The following SHD variants were observed in gnomAD, a reference collection of about 807,000 sequenced individuals.
SHD encodes SH2 domain-containing adapter protein D.
In SHD, 29 loss-of-function variants were observed where a neutral mutation model predicts 31.2. The ratio of observed to expected loss-of-function variants is 0.93; its 90% CI spans 0.69 to 1.27. The LOEUF (loss-of-function observed/expected upper bound fraction) is 1.27, where lower values mean the gene tolerates loss of function less well. SHD is among the 50% of genes most tolerant of loss of function. SHD has a pLI of 0.00. For synonymous variants in SHD, 208 were observed against 187.8 expected, an observed-to-expected ratio of 1.11 and a Z score of -0.88; for missense variants, 520 against 453.8, an observed-to-expected ratio of 1.15 and a Z score of -1.33.
At chr19:4,289,255 C>T (rs1021606933) in intron 5 of SHD, among the ~76,000 whole-genome samples, 9 of 150,594 alleles carry the variant, frequency 6.0e-5, no homozygotes, top group East Asian at 4.0e-4. Context: ...GGACTACAGG[C>T]GCCCACCACC....
chr19:4,283,151 G>C lies in SHD; in HGVS notation c.501G>C (p.Gln167His). Residue 167 changes from glutamine to histidine, a missense_variant, in exon 3 of 6, where the codon CAG becomes CAC. By Grantham distance (24) the Gln-to-His change is conservative. Coordinates refer to ENST00000543264, the MANE Select transcript of SHD (RefSeq NM_020209.4). ...DGPPSGQKPRQSRMPQEDERP... is the reference protein window; with the variant it reads ...DGPPSGQKPRHSRMPQEDERP... ...CCCCTTCTGGGCAGAAGCCTCGGCAGAGCCGGATGCCCCAGGAAGATGAAC... is the reference window on the plus strand; with the variant it reads ...CCCCTTCTGGGCAGAAGCCTCGGCACAGCCGGATGCCCCAGGAAGATGAAC... 1 of 1,614,174 alleles carries C rather than the reference G, an allele frequency of 6.2e-7. No individual in the cohort carries two copies.
chr19:4,285,889 C>CTTTTTTTTTTTTTTTTTTTTTTTTT (rs56142317), intron 4 of SHD, among the ~76,000 whole-genome samples: 1 of 87,370 alleles, frequency 1.1e-5, no homozygotes, highest in African/African-American at 5.1e-5. Context: ...CTTTTCCTTT[C>CTTTTTTTTTTTTTTTTTTTTTTTTT]TTTTTTTTTT....
rs1218640118 is a variant in SHD at position 4,279,493 on chromosome 19, A to G, written c.-571A>G. The G allele has an allele frequency of 6.6e-6, 1 of 152,238 alleles. No individual in the cohort carries two copies. Among genetic ancestry groups the G allele is most frequent in the Admixed American group, 6.5e-5 (1 of 15,278 alleles). 9.4% of individuals were successfully genotyped at this position (152,238 alleles called of 1,614,324 possible). On this transcript the variant is annotated 5_prime_UTR_variant, in exon 1 of 6. Transcript: ENST00000543264. The surrounding 1 kb of genome is among the most constrained non-coding windows in gnomAD (Gnocchi z 7.5). The stretch of plus-strand genomic sequence containing the variant: ...CCCGCTGAGCCGAGAGGAGCGCGAC[A>G]AAGGATGCGTCCCGCCGGGGTCACA...
At chr19:4,289,817 T>C (rs986082691) in intron 5 of SHD, among the ~76,000 whole-genome samples, 18 of 151,502 alleles carry the variant, frequency 1.2e-4, no homozygotes, top group African/African-American at 3.6e-4. Context: ...GTGATCCGCC[T>C]GCCTTGGCCT....
chr19:4,282,356 G>A (rs1379402372), intron 1 of SHD, among the ~76,000 whole-genome samples: 1 of 151,244 alleles, frequency 6.6e-6, no homozygotes, highest in South Asian at 2.1e-4. Context: ...GGAGTCGGAG[G>A]TTGCAGTGAG....
In SHD at chr19:4,279,900, C is replaced by G; in HGVS notation, c.-164C>G. ...TCCCCCTCGTTCACCTTTTCCTTCC[C>G]TCTATCCATCCAGAGCCCCGCCAAA... On this transcript the variant is annotated 5_prime_UTR_variant, in exon 1 of 6. Transcript: ENST00000543264. The surrounding 1 kb of genome is among the most constrained non-coding windows in gnomAD (Gnocchi z 7.5). 1 of 812,904 alleles carries G rather than the reference C, an allele frequency of 1.2e-6. No homozygotes were observed. The highest frequency in any genetic ancestry group is 2.7e-5 in the East Asian group (1 of 36,694). 50.4% of individuals were successfully genotyped at this position (812,904 alleles called of 1,614,324 possible). A position where few individuals can be genotyped will look rare whatever the true frequency, so the allele number is the denominator to read the frequency against.
intron 4 of SHD, among the ~76,000 whole-genome samples, chr19:4,287,657 C>G (rs115801906): frequency 6.6e-6 from 1 of 150,840 alleles, no homozygotes; most frequent in Non-Finnish European, 1.5e-5. Context: ...TGGTGCTATG[C>G]GCCTGTAGTT....
rs769011992 is a variant in SHD, at chr19:4,283,093, A to T, written c.443A>T (p.Tyr148Phe). 7 of 1,614,058 alleles carry T rather than the reference A, an allele frequency of 4.3e-6. No individual in the cohort carries two copies. The highest frequency in any genetic ancestry group is 5.9e-6 in the Non-Finnish European group (7 of 1,179,986). The change falls in exon 3 of 6, where the codon TAT becomes TTT. Residue 148 changes from tyrosine (Y) to phenylalanine (F), a missense_variant. Transcript: ENST00000543264. ...GGGGTGCAGCTCTATGACACCCCTTATGAGGAACAGGACCCAGAGACAGCA... is the reference window on the plus strand; with the variant it reads ...GGGGTGCAGCTCTATGACACCCCTTTTGAGGAACAGGACCCAGAGACAGCA... ...GRGVQLYDTPYEEQDPETADG... is the reference protein window; with the variant it reads ...GRGVQLYDTPFEEQDPETADG...
At chr19:4,282,039 G>A (rs987962054) in intron 1 of SHD, among the ~76,000 whole-genome samples, 18 of 152,190 alleles carry the variant, frequency 1.2e-4, no homozygotes, top group Non-Finnish European at 1.6e-4. Flanking sequence ...CTGGGGAAAT[G>A]GGATCAAGAC....
At chr19:4,286,792 A>G (rs1018222106) in intron 4 of SHD, among the ~76,000 whole-genome samples, 3 of 151,944 alleles carry the variant, frequency 2.0e-5, no homozygotes, top group Non-Finnish European at 4.4e-5. Flanking sequence ...AGGCAGGAGA[A>G]TCTCTTGAAC....
chr19:4,285,843 C>T (rs1037378241), intron 4 of SHD, among the ~76,000 whole-genome samples: 6 of 150,168 alleles, frequency 4.0e-5, no homozygotes, highest in South Asian at 4.2e-4. Context: ...CCACCCCGCC[C>T]GGCCCTTCCT....
chr19:4,284,751 A>C (rs1202271734), intron 3 of SHD, 30 bp from the exon 4 acceptor site: 1 of 1,552,798 alleles, frequency 6.4e-7, no homozygotes, highest in Non-Finnish European at 8.8e-7. Flanking sequence ...GGCTGGACTT[A>C]ACCCTTTCCT....
At chr19:4,283,621 C>T (rs916933871) in intron 3 of SHD, among the ~76,000 whole-genome samples, 1 of 151,860 alleles carries the variant, frequency 6.6e-6, no homozygotes, top group Non-Finnish European at 1.5e-5. Flanking sequence ...CTCTGTCGCC[C>T]AGGCTGGAGT....
chr19:4,280,938 AG>A (rs1376055033), intron 1 of SHD, among the ~76,000 whole-genome samples: 5 of 135,580 alleles, frequency 3.7e-5, no homozygotes, highest in African/African-American at 1.4e-4. Flanking sequence ...GCAGTCCCCC[AG>A]CCCCCTCCCC....
chr19:4,287,201 G>A (rs4807576), intron 4 of SHD, among the ~76,000 whole-genome samples: 54,567 of 151,524 alleles, frequency 0.36, 9,960 homozygotes, highest in Middle Eastern at 0.46. Context: ...GCGTGGTGGC[G>A]GGTGCCTGTA....
At chr19:4,283,284 C>A in intron 3 of SHD, 42 bp downstream of exon 3, 1 of 1,567,196 alleles carries the variant, frequency 6.4e-7, no homozygotes, top group Middle Eastern at 1.7e-4. Flanking sequence ...ATGCCCCATC[C>A]CTGCATTTCC....
In SHD at chr19:4,288,319, C is replaced by A; in HGVS notation, c.793C>A (p.Arg265=). The A allele has an allele frequency of 5.6e-6, 9 of 1,613,820 alleles. No individual in the cohort carries two copies. Among genetic ancestry groups the A allele is most frequent in the Non-Finnish European group, 7.6e-6 (9 of 1,179,864 alleles). ...CTGCAAGGAAGGCAGCTACCTAGTG[C>A]GGCTCAGTGAGACCAACCCCCAGGA... ...SLCKEGSYLV[R]LSETNPQDCS... is the part of the protein sequence containing the mutation. The change falls in exon 5 of 6, where the codon CGG becomes AGG. Residue 265 remains arginine (R), a synonymous_variant. Coordinates refer to ENST00000543264, the MANE Select transcript of SHD (RefSeq NM_020209.4).
At chr19:4,288,529 A>G (rs566534080) in intron 5 of SHD, among the ~76,000 whole-genome samples, 167 bp downstream of exon 5, 22 of 152,220 alleles carry the variant, frequency 1.4e-4, no homozygotes, top group Admixed American at 1.4e-3. Context: ...TGGGGAGGCC[A>G]TTAGCTGGTT....
rs1489666448 is a variant in SHD at position 4,286,266 on chromosome 19, T to C, written c.716+1362T>C. ...TTCTTTCTTTCTTTCTTTCTCTCTT[T>C]CTTTCTTTCTTTCTTTTTTTCTTTC... On this transcript the variant is annotated intron_variant, in intron 4 of 5. Transcript: ENST00000543264. Among the ~76,000 whole-genome samples the C allele has an allele frequency of 1.2e-3, 148 of 125,442 alleles. 1 individual carries two copies. Among genetic ancestry groups the C allele is most frequent in the Middle Eastern group, 3.8e-3 (1 of 264 alleles). 82.3% of individuals were successfully genotyped at this position (125,442 alleles called of 152,430 possible).
Sources: gnomAD v4.1 joint callset for allele counts (sites outside exome capture counted in the v4.1 genomes callset) on GRCh38, gnomAD v4.1.1 for gene constraint, Gnocchi (gnomAD v3.1) non-coding constraint, MANE v1.5 for transcripts, NCBI Gene and HGNC (gene_info 2026-07-23, HGNC 2026-07-21) for gene names.